The following RELB variants were observed in gnomAD, a reference collection of about 807,000 sequenced individuals.
RELB encodes RELB proto-oncogene, NF-kB subunit.
A neutral mutation model predicts 55.4 loss-of-function variants in RELB; 14 were observed. That is an observed-to-expected ratio of 0.25 (90% CI 0.17 to 0.40). The LOEUF is 0.40. Ranked by LOEUF, RELB falls within the 10% of genes least tolerant of loss-of-function variation. The pLI is 1.00. For synonymous variants in RELB, 409 were observed against 371.3 expected (o/e 1.10, Z -1.17); for missense variants, 669 against 830.7 (o/e 0.81, Z 2.39).
Position 45,032,519 on chromosome 19 carries a change from C to T in RELB, c.992-15C>T, listed in dbSNP as rs772333691. The T allele has an allele frequency of 5.6e-6, 9 of 1,600,986 alleles. No individual in the cohort carries two copies. Among genetic ancestry groups the T allele is most frequent in the Middle Eastern group, 1.7e-4 (1 of 6,042 alleles). On this transcript the variant is annotated splice_polypyrimidine_tract_variant and intron_variant, in intron 8 of 11. Coordinates refer to ENST00000221452, the MANE Select transcript of RELB (RefSeq NM_006509.4). ...AGATGTCCTGGCTTAGCTGATGTCC[C>T]CCGTTTCCTGCCAGAGGACATATCA... is the stretch of plus-strand genomic sequence containing the variant.
chr19:45,026,762 T>C (rs925551641), intron 7 of RELB, among the ~76,000 whole-genome samples: 3 of 152,088 alleles, frequency 2.0e-5, no homozygotes, highest in African/African-American at 7.2e-5. Flanking sequence ...CCACTCCTAG[T>C]TGCAGGGTGG....
intron 8 of RELB, among the ~76,000 whole-genome samples, chr19:45,031,677 G>A (rs1462010332): frequency 3.3e-5 from 5 of 151,666 alleles, no homozygotes; most frequent in Admixed American, 1.3e-4. Context: ...CCGGGTTCAC[G>A]CCATTCTCCT....
intron 11 of RELB, among the ~76,000 whole-genome samples, chr19:45,036,873 G>A (rs1350989087): frequency 1.3e-5 from 2 of 152,024 alleles, no homozygotes; most frequent in African/African-American, 2.4e-5. Flanking sequence ...TGTAGAGACA[G>A]GGTCTCGTCA....
In RELB at chr19:45,009,718, G is replaced by A. The variant is rs1416782661; in HGVS notation, c.155-96G>A. 4.9e-6 allele frequency: 7 copies of A among 1,424,244 alleles called. No individual in the cohort carries two copies. In the East Asian group the frequency reaches 9.1e-5, roughly 19 times the overall value. The allele number at this position is 1,424,244 out of a possible 1,614,324, so 88.2% of individuals were successfully genotyped here. ...GACGGAGGAAGACGGAAGGGTCACA[G>A]GAGGGACAGGGTTGGGGAATCTGTC... On this transcript the variant is annotated intron_variant, in intron 2 of 11. Transcript: ENST00000221452.
Position 45,001,583 on chromosome 19 carries a change from C to T in RELB, c.4C>T (p.Leu2Phe). Residue 2 changes from leucine to phenylalanine, a missense_variant, in exon 1 of 12, where the codon CTT (leucine) becomes TTT (phenylalanine). Leu to Phe is a conservative substitution (Grantham distance 22, BLOSUM62 0). This residue lies in a region of RELB where 323 missense variants were observed against 368.5 expected (regional missense o/e 0.88). Coordinates refer to ENST00000221452, the MANE Select transcript of RELB (RefSeq NM_006509.4). ...GCCGCCCGGCCGGCCCGCGTGCATG[C>T]TTCGGTCTGGGCCAGCCTCTGGGCC... M[L>F]RSGPASGPSV... 6.8e-7 allele frequency: 1 copy of T among 1,461,764 alleles called. No homozygotes were observed. Among genetic ancestry groups the T allele is most frequent in the Non-Finnish European group, 9.0e-7 (1 of 1,112,110 alleles). The allele number at this position is 1,461,764 out of a possible 1,614,324, so 90.5% of individuals were successfully genotyped here. A position where few individuals can be genotyped will look rare whatever the true frequency, so the allele number is the denominator to read the frequency against.
chr19:45,014,071 T>C (rs997632099), intron 4 of RELB, among the ~76,000 whole-genome samples: 5 of 152,144 alleles, frequency 3.3e-5, no homozygotes, highest in African/African-American at 1.2e-4. Context: ...AGATACAACT[T>C]TCCCTTTGTA....
chr19:45,037,425 G>A lies in RELB; in HGVS notation c.1375G>A (p.Ala459Thr). The A allele has an allele frequency of 6.3e-7, 1 of 1,590,032 alleles. No individual in the cohort carries two copies. Among genetic ancestry groups the A allele is most frequent in the Non-Finnish European group, 8.5e-7 (1 of 1,172,778 alleles). The change falls in exon 12 of 12, where the codon GCC (alanine) becomes ACC (threonine). Residue 459 changes from alanine (A) to threonine (T), a missense_variant. By Grantham distance (58) the Ala-to-Thr change is moderately conservative. This residue lies in a region of RELB where 341 missense variants were observed against 436.8 expected (regional missense o/e 0.78). Coordinates refer to ENST00000221452, the MANE Select transcript of RELB (RefSeq NM_006509.4). Reference sequence around the variant, plus strand: ...CGTAGGCCCGTTCCTCCCGCCGTCAGCCCTGCTGCCAGACCCTGACTTCTT... The same window carrying A: ...CGTAGGCCCGTTCCTCCCGCCGTCAACCCTGCTGCCAGACCCTGACTTCTT... Reference protein sequence around the residue: ...HGSGPFLPPSALLPDPDFFSG... With the variant: ...HGSGPFLPPSTLLPDPDFFSG...
At chr19:45,006,304 A>G (rs1971281466) in intron 2 of RELB, among the ~76,000 whole-genome samples, 1 of 152,100 alleles carries the variant, frequency 6.6e-6, no homozygotes, top group Non-Finnish European at 1.5e-5. Context: ...TCCCGGGTTC[A>G]AGCCATCCTC....
chr19:45,008,000 CAAAAAA>C (rs57007961), intron 2 of RELB, among the ~76,000 whole-genome samples: 72 of 63,012 alleles, frequency 1.1e-3, no homozygotes, highest in African/African-American at 3.9e-3. Context: ...GCTAAAAATA[CAAAAAA>C]AAAAAAAAAA....
chr19:45,025,789 G>T, intron 7 of RELB, 52 bp downstream of exon 7: 1 of 1,610,352 alleles, frequency 6.2e-7, no homozygotes, highest in Non-Finnish European at 8.5e-7. Context: ...GCAGGTGTCA[G>T]AATGTCCCGC....
At chr19:45,011,131 C>T (rs1206453432) in intron 3 of RELB, among the ~76,000 whole-genome samples, 4 of 151,960 alleles carry the variant, frequency 2.6e-5, no homozygotes, top group Non-Finnish European at 4.4e-5. Flanking sequence ...GGATTACAGG[C>T]GTGAGCCACC....
rs150066466 is a variant in RELB, at chr19:45,003,955, G to C, written c.154+959G>C. 4.0e-3 allele frequency among the ~76,000 whole-genome samples: 422 copies of C among 106,354 alleles called. 8 individuals carry two copies. Among genetic ancestry groups the C allele is most frequent in the African/African-American group, 0.014 (397 of 27,530 alleles). 69.8% of individuals were successfully genotyped at this position (106,354 alleles called of 152,430 possible). On this transcript the variant is annotated intron_variant, in intron 2 of 11. Transcript: ENST00000221452. The stretch of plus-strand genomic sequence containing the variant: ...TTTTTTTTTTTTGAGACAGAGTCTC[G>C]CTGTGTCACCCAGGCTGGAGTACAT...
chr19:45,007,435 G>A (rs928072160), intron 2 of RELB, among the ~76,000 whole-genome samples: 45 of 152,278 alleles, frequency 3.0e-4, no homozygotes, highest in African/African-American at 1.1e-3. Context: ...AGTTCCTGAG[G>A]TAGGAGCTCA....
intron 4 of RELB, 137 bp downstream of exon 4, chr19:45,012,413 C>A: frequency 3.6e-6 from 2 of 554,552 alleles, no homozygotes; most frequent in Non-Finnish European, 5.6e-6. Context: ...TATACTATCA[C>A]CTGGCCTGGA....
chr19:45,013,905 A>C (rs1425406255), intron 4 of RELB, among the ~76,000 whole-genome samples: 1 of 152,100 alleles, frequency 6.6e-6, no homozygotes, highest in Non-Finnish European at 1.5e-5. Context: ...AGATTAGGTC[A>C]GATTATGCAT....
Position 45,018,033 on chromosome 19 carries a change from G to A in RELB, c.505-4020G>A, listed in dbSNP as rs538032436. On this transcript the variant is annotated intron_variant, in intron 4 of 11. Transcript: ENST00000221452. The stretch of plus-strand genomic sequence containing the variant: ...TGTAATCCCAGCATTTTGGGAGGCC[G>A]AGGCAGGTGGATCACCTGAGGTCAG... 1.7e-3 allele frequency among the ~76,000 whole-genome samples: 262 copies of A among 150,890 alleles called. 2 individuals are homozygous for A. The highest frequency in any genetic ancestry group is 6.0e-3 in the African/African-American group (246 of 41,228).
intron 2 of RELB, among the ~76,000 whole-genome samples, chr19:45,009,157 T>G (rs113139066): frequency 0.043 from 6,569 of 152,274 alleles, 333 homozygotes; most frequent in African/African-American, 0.12. Context: ...CTCAGCTCAC[T>G]GCAACCTCTG....
chr19:45,023,314 T>G (rs961904375), intron 5 of RELB, among the ~76,000 whole-genome samples: 1 of 152,210 alleles, frequency 6.6e-6, no homozygotes, highest in African/African-American at 2.4e-5. Flanking sequence ...CCGAGTATTA[T>G]GAAACATTTT....
chr19:45,021,257 A>G (rs1568401306), intron 4 of RELB, among the ~76,000 whole-genome samples: 1 of 151,884 alleles, frequency 6.6e-6, no homozygotes, highest in East Asian at 2.0e-4. Context: ...GCGGATCACG[A>G]GGTCAGGAGA....
Sources: gnomAD v4.1 joint callset for allele counts (sites outside exome capture counted in the v4.1 genomes callset) on GRCh38, gnomAD v4.1.1 for gene constraint, gnomAD v4.1.1 regional missense constraint, MANE v1.5 for transcripts, NCBI Gene and HGNC (gene_info 2026-07-23, HGNC 2026-07-21) for gene names.